Variants in ROBO2 observed in about 807,000 individuals in gnomAD.
ROBO2 encodes the protein roundabout guidance receptor 2, also known as roundabout homolog 2.
In ROBO2, 53 loss-of-function variants were observed where a neutral mutation model predicts 160.8. That is an observed-to-expected ratio of 0.33 (90% CI 0.26 to 0.41). The LOEUF is 0.41. Among genes scored for constraint, ROBO2 ranks in the 10% least tolerant of loss-of-function variants. ROBO2 has a pLI of 1.00. For synonymous variants in ROBO2, 664 were observed against 611.7 expected (o/e 1.09, Z -1.26); for missense variants, 1,577 against 1,722.4 (o/e 0.92, Z 1.49).
At chr3:76,053,008 T>C (rs2067705342) in intron 2 of ROBO2, among the ~76,000 whole-genome samples, 1 of 152,010 alleles carries the variant, frequency 6.6e-6, no homozygotes, top group South Asian at 2.1e-4. Flanking sequence ...AAGCTTTAAC[T>C]TTGAGATAAT....
intron 6 of ROBO2, among the ~76,000 whole-genome samples, chr3:77,538,436 C>G (rs1188292018): frequency 6.6e-6 from 1 of 151,992 alleles, no homozygotes. Flanking sequence ...CTTGGTCTCC[C>G]AAAGTGCTGG....
intron 2 of ROBO2, among the ~76,000 whole-genome samples, chr3:76,558,624 G>GT (rs1220198942): frequency 8.6e-5 from 13 of 151,852 alleles, no homozygotes; most frequent in African/African-American, 3.1e-4. Context: ...TTTCCTCAGG[G>GT]TTTTTTTAGA....
intron 5 of ROBO2, among the ~76,000 whole-genome samples, chr3:77,518,667 T>G (rs1208033196): frequency 6.6e-6 from 1 of 151,424 alleles, no homozygotes; most frequent in African/African-American, 2.4e-5. Flanking sequence ...ATCCCCAAAT[T>G]TTGGTGCAAT....
At chr3:76,250,524 A>G (rs1282962643) in intron 2 of ROBO2, among the ~76,000 whole-genome samples, 2 of 152,008 alleles carry the variant, frequency 1.3e-5, no homozygotes, top group East Asian at 1.9e-4. Flanking sequence ...TTGGGTTGCC[A>G]TATCTTTATA....
chr3:77,221,171 C>T (rs1231097619), intron 2 of ROBO2, among the ~76,000 whole-genome samples: 1 of 152,160 alleles, frequency 6.6e-6, no homozygotes, highest in Non-Finnish European at 1.5e-5. Flanking sequence ...CATACCTCTG[C>T]TGCACTTGTT....
chr3:77,092,721 CATGAT>C (rs1431661344), intron 1 of ROBO2, among the ~76,000 whole-genome samples: 2 of 148,762 alleles, frequency 1.3e-5, no homozygotes, highest in Admixed American at 1.3e-4. Context: ...AGATACCAGA[CATGAT>C]ATCAGTCACA....
intron 2 of ROBO2, among the ~76,000 whole-genome samples, chr3:76,991,135 A>T (rs2060643720): frequency 6.6e-6 from 1 of 152,100 alleles, no homozygotes; most frequent in Non-Finnish European, 1.5e-5. Flanking sequence ...ACGGCTCTAA[A>T]ACTTGACCTG....
intron 2 of ROBO2, among the ~76,000 whole-genome samples, chr3:76,649,821 A>G (rs2109858622): frequency 6.6e-6 from 1 of 152,316 alleles, no homozygotes; most frequent in Admixed American, 6.5e-5. Flanking sequence ...AGAACAAAAA[A>G]GAAGAGAAAA....
chr3:75,964,331 G>A (rs73125299), intron 2 of ROBO2, among the ~76,000 whole-genome samples: 7,092 of 151,634 alleles, frequency 0.047, 244 homozygotes, highest in Non-Finnish European at 0.069. Flanking sequence ...ATATGGTTGT[G>A]GTTTTTACGT....
intron 1 of ROBO2, among the ~76,000 whole-genome samples, chr3:75,913,703 A>G (rs1227423886): frequency 6.6e-6 from 1 of 152,228 alleles, no homozygotes; most frequent in Non-Finnish European, 1.5e-5. Context: ...GTTTAAATTA[A>G]CATAGAACGT....
At chr3:77,619,375 A>C (rs570882442) in intron 22 of ROBO2, among the ~76,000 whole-genome samples, 2 of 152,314 alleles carry the variant, frequency 1.3e-5, no homozygotes, top group South Asian at 4.1e-4. Flanking sequence ...AGAACTCACC[A>C]AAAGATTTTA....
At chr3:76,233,905 A>G (rs1704777085) in intron 2 of ROBO2, among the ~76,000 whole-genome samples, 1 of 152,180 alleles carries the variant, frequency 6.6e-6, no homozygotes, top group Non-Finnish European at 1.5e-5. Flanking sequence ...TGCTGTACAG[A>G]TTATTTTGTC....
intron 5 of ROBO2, among the ~76,000 whole-genome samples, chr3:77,500,099 A>G (rs927773598): frequency 6.6e-6 from 1 of 152,180 alleles, no homozygotes; most frequent in Non-Finnish European, 1.5e-5. Context: ...TGAGACCTTC[A>G]CATTTCACAC....
At chr3:76,153,544 A>G (rs1326262023) in intron 2 of ROBO2, among the ~76,000 whole-genome samples, 2 of 152,170 alleles carry the variant, frequency 1.3e-5, no homozygotes, top group African/African-American at 4.8e-5. Flanking sequence ...TTTATCCTGG[A>G]TGGTCTTTTT....
intron 2 of ROBO2, among the ~76,000 whole-genome samples, chr3:76,338,249 T>C (rs1201456168): frequency 2.0e-5 from 3 of 152,178 alleles, no homozygotes; most frequent in Non-Finnish European, 2.9e-5. Flanking sequence ...TCTCACATGT[T>C]TCTACCAAGC....
chr3:77,490,156 A>G (rs1467110864), intron 4 of ROBO2, among the ~76,000 whole-genome samples: 1 of 139,092 alleles, frequency 7.2e-6, no homozygotes, highest in Admixed American at 7.8e-5. Context: ...GCTGGAGTGC[A>G]GGGGCCCAAT....
intron 2 of ROBO2, among the ~76,000 whole-genome samples, chr3:76,945,827 T>C (rs1163154592): frequency 6.6e-6 from 1 of 152,230 alleles, no homozygotes; most frequent in Admixed American, 6.5e-5. Flanking sequence ...ATCTTTCCTC[T>C]GGCTTTTGAA....
chr3:76,114,871 A>G (rs2070390948), intron 2 of ROBO2, among the ~76,000 whole-genome samples: 1 of 152,124 alleles, frequency 6.6e-6, no homozygotes, highest in Non-Finnish European at 1.5e-5. Flanking sequence ...AAGTGCAATC[A>G]CTTTTCCACC....
In ROBO2 at chr3:77,200,307, ATATATATATATATATT is replaced by A. The variant is rs1431626537; in HGVS notation, c.388+101969_388+101984del. Reference sequence around the variant, plus strand: ...TATATATATATATATATATATATATATATATATATATATATTTTAGTTTCTATAGGTAAAGGGAATA... The same window carrying A: ...TATATATATATATATATATATATATATTAGTTTCTATAGGTAAAGGGAATA... On this transcript the variant is annotated intron_variant, in intron 2 of 25. Transcript: ENST00000461745. 7.1e-3 allele frequency among the ~76,000 whole-genome samples: 571 copies of A among 80,600 alleles called. 34 individuals carry two copies. Among genetic ancestry groups the A allele is most frequent in the East Asian group, 0.034 (104 of 3,036 alleles). 52.9% of individuals were successfully genotyped at this position (80,600 alleles called of 152,430 possible). A position where few individuals can be genotyped will look rare whatever the true frequency, so the allele number is the denominator to read the frequency against.
Sources: gnomAD v4.1 joint callset for allele counts (sites outside exome capture counted in the v4.1 genomes callset) on GRCh38, gnomAD v4.1.1 for gene constraint, MANE v1.5 for transcripts, NCBI Gene and HGNC (gene_info 2026-07-23, HGNC 2026-07-21) for gene names.